L3MBTL2: variants seen among roughly 807,000 people sequenced by gnomAD.
The protein encoded by L3MBTL2 is L3MBTL histone methyl-lysine binding protein 2, also known as lethal(3)malignant brain tumor-like protein 2.
Under a neutral mutation model 86.4 loss-of-function variants are expected in L3MBTL2, and 49 were observed. The observed-to-expected ratio is 0.57, with a 90% CI of 0.45 to 0.72. The LOEUF (loss-of-function observed/expected upper bound fraction) is 0.72. L3MBTL2 is among the 30% of genes least tolerant of loss of function. The pLI is 0.00. For missense variants in L3MBTL2, 755 were observed against 923.7 expected, an observed-to-expected ratio of 0.82 and a Z score of 2.37; for synonymous variants, 336 against 350.6, an observed-to-expected ratio of 0.96 and a Z score of 0.47.
chr22:41,212,662 G>A (rs1043951963), intron 2 of L3MBTL2, among the ~76,000 whole-genome samples: 3 of 152,006 alleles, frequency 2.0e-5, no homozygotes, highest in Admixed American at 6.6e-5. Flanking sequence ...TTGGGAGGCC[G>A]AGGCGGGAGG....
intron 2 of L3MBTL2, among the ~76,000 whole-genome samples, chr22:41,211,129 ATG>A (rs2145571054): frequency 6.6e-6 from 1 of 152,264 alleles, no homozygotes; most frequent in South Asian, 2.1e-4. Context: ...AGGGCCTCCC[ATG>A]TGTGGGCTGC....
At chr22:41,230,078 C>CT in intron 16 of L3MBTL2, 61 bp from the exon 17 acceptor site, 2 of 821,650 alleles carry the variant, frequency 2.4e-6, no homozygotes, top group Non-Finnish European at 3.8e-6. Context: ...CCAGCTCCTC[C>CT]GCCCCCACCC....
chr22:41,227,781 T>C lies in L3MBTL2; in HGVS notation c.1823-23T>C, dbSNP rs1169842230. On this transcript the variant is annotated intron_variant, in intron 14 of 16. Coordinates refer to ENST00000216237, the MANE Select transcript of L3MBTL2 (RefSeq NM_031488.5). This position sits in a 1 kb window ranked among gnomAD's most constrained non-coding sequence, Gnocchi z 6.0. ...CCCAGGGACCCTCTTCTCATCTCTT[T>C]CACCCTTGTCTTTCAACAACAGAAC... 1 of 1,613,306 alleles carries C rather than the reference T, an allele frequency of 6.2e-7. No individual in the cohort carries two copies. The highest frequency in any genetic ancestry group is 8.5e-7 in the Non-Finnish European group (1 of 1,179,634).
At position 41,227,411 on chromosome 22, in the gene L3MBTL2, T is replaced by C; in HGVS notation, c.1822+88T>C. On this transcript the variant is annotated intron_variant, in intron 14 of 16. Transcript: ENST00000216237. This position sits in a 1 kb window ranked among gnomAD's most constrained non-coding sequence, Gnocchi z 6.0. ...CCCGCCCCTGTGCCCATCTCCGTTC[T>C]TTGGCATGAGGTGGAGATGTCTCAT... The C allele has an allele frequency of 7.4e-7, 1 of 1,358,118 alleles. No individual in the cohort carries two copies. The highest frequency in any genetic ancestry group is 1.4e-5 in the African/African-American group (1 of 69,340). The allele number at this position is 1,358,118 out of a possible 1,614,324, so 84.1% of individuals were successfully genotyped here.
chr22:41,220,841 A>G lies in L3MBTL2; in HGVS notation c.826A>G (p.Asn276Asp). The G allele has an allele frequency of 6.2e-7, 1 of 1,613,856 alleles. No individual in the cohort carries two copies. Among genetic ancestry groups the G allele is most frequent in the Non-Finnish European group, 8.5e-7 (1 of 1,179,866 alleles). Residue 276 changes from asparagine (N) to aspartate (D), a missense_variant, in exon 7 of 17, where the codon AAC (asparagine) becomes GAC (aspartate). This residue lies in a region of L3MBTL2 where 634 missense variants were observed against 748.9 expected (regional missense o/e 0.85). Coordinates refer to ENST00000216237, the MANE Select transcript of L3MBTL2 (RefSeq NM_031488.5). Reference protein sequence around the residue: ...DVHPIGWCAINSKILVPPRTI... With the variant: ...DVHPIGWCAIDSKILVPPRTI... ...CCACCCCATTGGCTGGTGTGCCATC[A>G]ACAGCAAGATCCTAGTGCCCCCACG...
At chr22:41,206,891 A>T (rs1246561743) in intron 1 of L3MBTL2, among the ~76,000 whole-genome samples, 1 of 152,198 alleles carries the variant, frequency 6.6e-6, no homozygotes, top group East Asian at 1.9e-4. Flanking sequence ...ACTTTCTGCA[A>T]GGGTAAACGA....
chr22:41,221,048 G>C (rs1420615197), intron 7 of L3MBTL2, 151 bp from the exon 8 acceptor site: 3 of 912,134 alleles, frequency 3.3e-6, no homozygotes, highest in Non-Finnish European at 4.9e-6. Context: ...TGTGGAATCT[G>C]ATGTTCTCAG....
intron 3 of L3MBTL2, among the ~76,000 whole-genome samples, 168 bp from the exon 4 acceptor site, chr22:41,215,971 C>A (rs1339084858): frequency 6.6e-6 from 1 of 152,268 alleles, no homozygotes; most frequent in Non-Finnish European, 1.5e-5. Context: ...CCACAACCAC[C>A]CCCTGAGCTC....
intron 2 of L3MBTL2, chr22:41,210,143 CTTTTTTTTT>C: frequency 6.2e-6 from 1 of 162,010 alleles, no homozygotes. Flanking sequence ...AGTCTAATTT[CTTTTTTTTT>C]TTTTTTTTTT....
rs1181788396 is a variant in L3MBTL2 at position 41,209,842 on chromosome 22, G to A, written c.171G>A (p.Glu57=). The A allele has an allele frequency of 4.3e-6, 7 of 1,614,088 alleles. No homozygotes were observed. In the Admixed American group the frequency reaches 1.2e-4, roughly 27 times the overall value. The change falls in exon 2 of 17, where the codon GAG becomes GAA. Residue 57 remains glutamate, a synonymous_variant. Transcript: ENST00000216237. ...YLEESSEAEN[E]DREAGELPTS... ...AGGAGTCAAGTGAAGCAGAAAATGA[G>A]GATCGGGAAGCAGGGGAACTGCCGA... is the stretch of plus-strand genomic sequence containing the variant.
chr22:41,220,902 C>T (rs148761723), intron 7 of L3MBTL2, 34 bp downstream of exon 7: 211 of 1,596,784 alleles, frequency 1.3e-4, no homozygotes, highest in Middle Eastern at 1.8e-4. Flanking sequence ...CTCTTGTTCC[C>T]GTAGGGCCCC....
At chr22:41,207,220 ACT>A (rs1264933146) in intron 1 of L3MBTL2, among the ~76,000 whole-genome samples, 1 of 141,810 alleles carries the variant, frequency 7.1e-6, no homozygotes, top group Non-Finnish European at 1.5e-5. Context: ...ATCGTCTCTT[ACT>A]TCTCCCCCAA....
At chr22:41,217,492 C>G (rs1420165253) in intron 5 of L3MBTL2, 1 of 335,904 alleles carries the variant, frequency 3.0e-6, no homozygotes, top group Non-Finnish European at 5.6e-6. Context: ...TGAAACCCTT[C>G]TCTCCTTTCT....
intron 15 of L3MBTL2, 61 bp from the exon 16 acceptor site, chr22:41,229,479 C>T: frequency 1.9e-6 from 3 of 1,558,340 alleles, no homozygotes; most frequent in Non-Finnish European, 2.6e-6. Context: ...TGAGACCTAT[C>T]CCATAAAGCC....
intron 1 of L3MBTL2, 124 bp downstream of exon 1, chr22:41,205,510 GTAGT>G (rs2030136017): frequency 1.7e-6 from 2 of 1,171,038 alleles, no homozygotes; most frequent in Non-Finnish European, 1.3e-6. Flanking sequence ...ATAAACTGAG[GTAGT>G]TAAACTGAGC....
intron 4 of L3MBTL2, 88 bp from the exon 5 acceptor site, chr22:41,217,035 T>C: frequency 9.9e-7 from 1 of 1,006,404 alleles, no homozygotes; most frequent in Non-Finnish European, 1.6e-6. Context: ...GACCTACCTC[T>C]GCAGGTCCCA....
Position 41,224,739 on chromosome 22 carries a change from A to G in L3MBTL2, c.1189A>G (p.Met397Val), listed in dbSNP as rs753987189. 2.5e-6 allele frequency: 4 copies of G among 1,613,500 alleles called. No individual in the cohort carries two copies. Among genetic ancestry groups the G allele is most frequent in the Non-Finnish European group, 3.4e-6 (4 of 1,179,572 alleles). The change falls in exon 10 of 17, where the codon ATG becomes GTG. Residue 397 changes from methionine (M) to valine (V), a missense_variant. Transcript: ENST00000216237. This position sits in a 1 kb window ranked among gnomAD's most constrained non-coding sequence, Gnocchi z 4.9. The part of the protein sequence containing the change: ...GIKMSERRSD[M>V]AHHPTFRKIY... ...CTCCTCCAAAGAGAGGCGAAGTGACATGGCCCATCACCCCACCTTCCGGAA... is the reference window on the plus strand; with the variant it reads ...CTCCTCCAAAGAGAGGCGAAGTGACGTGGCCCATCACCCCACCTTCCGGAA...
At chr22:41,229,056 G>A (rs565322986) in intron 15 of L3MBTL2, among the ~76,000 whole-genome samples, 4 of 152,004 alleles carry the variant, frequency 2.6e-5, no homozygotes. Flanking sequence ...CCAAGAGTTT[G>A]AGACCAGCCT....
chr22:41,205,453 C>A (rs556275775), intron 1 of L3MBTL2, 67 bp downstream of exon 1: 1 of 1,578,704 alleles, frequency 6.3e-7, no homozygotes, highest in Non-Finnish European at 8.7e-7. Context: ...GTGGGCCCTT[C>A]TTTAGGGCTT....
Sources: gnomAD v4.1 joint callset for allele counts (sites outside exome capture counted in the v4.1 genomes callset) on GRCh38, gnomAD v4.1.1 for gene constraint, gnomAD v4.1.1 regional missense constraint, Gnocchi (gnomAD v3.1) non-coding constraint, MANE v1.5 for transcripts, NCBI Gene and HGNC (gene_info 2026-07-23, HGNC 2026-07-21) for gene names.